Variants in PALLD observed in about 807,000 individuals in gnomAD.
The protein encoded by PALLD is palladin.
PALLD carries 61 observed loss-of-function variants against 123.5 expected under a neutral mutation model. The ratio of observed to expected loss-of-function variants is 0.49; its 90% confidence interval spans 0.40 to 0.61. The LOEUF is 0.61. PALLD is among the 20% of genes least tolerant of loss of function. PALLD has a pLI of 0.00. For missense variants in PALLD, 1,273 were observed against 1,377.0 expected, an observed-to-expected ratio of 0.92 and a Z score of 1.20; for synonymous variants, 465 against 496.4, an observed-to-expected ratio of 0.94 and a Z score of 0.84.
At chr4:168,897,061 C>G (rs1755360510) in intron 13 of PALLD, among the ~76,000 whole-genome samples, 1 of 152,180 alleles carries the variant, frequency 6.6e-6, no homozygotes, top group African/African-American at 2.4e-5. Flanking sequence ...GAACTTCTGA[C>G]CTCAGGTGAT....
chr4:168,791,614 C>G (rs1322120647), intron 10 of PALLD, among the ~76,000 whole-genome samples: 1 of 152,184 alleles, frequency 6.6e-6, no homozygotes, highest in Non-Finnish European at 1.5e-5. Flanking sequence ...CACCTGGTCT[C>G]TCCCTTGACA....
intron 8 of PALLD, chr4:168,700,405 T>C (rs1027549463): frequency 2.6e-5 from 4 of 152,334 alleles, no homozygotes; most frequent in African/African-American, 9.6e-5. Flanking sequence ...TACAGGCATA[T>C]ACCTTATTTA....
intron 3 of PALLD, among the ~76,000 whole-genome samples, chr4:168,679,298 G>T (rs1365059014): frequency 8.9e-5 from 9 of 100,952 alleles, no homozygotes; most frequent in Non-Finnish European, 1.0e-4. Flanking sequence ...GATGTGTGTG[G>T]GGGGTGTGTG....
At chr4:168,725,719 G>T (rs1786509351) in intron 10 of PALLD, among the ~76,000 whole-genome samples, 1 of 151,674 alleles carries the variant, frequency 6.6e-6, no homozygotes, top group South Asian at 2.1e-4. Context: ...GTACAGACGG[G>T]GTTTCACCAT....
chr4:168,780,105 G>C (rs1735703629), intron 10 of PALLD, among the ~76,000 whole-genome samples: 1 of 152,070 alleles, frequency 6.6e-6, no homozygotes, highest in Non-Finnish European at 1.5e-5. Context: ...CACCATGTTA[G>C]CCAGGCTGGT....
rs1460357554 is a variant in PALLD at position 168,511,510 on chromosome 4, A to G, written c.6A>G (p.Ser2=). Residue 2 remains serine, a synonymous_variant, in exon 2 of 22, where the codon TCA becomes TCG. Coordinates refer to ENST00000505667, the MANE Select transcript of PALLD (RefSeq NM_001166108.2). The part of the protein sequence containing the change: M[S]GTSSHESFYD... ...TGCATGAAGACCGTTCAAATATGTC[A>G]GGGACCTCCTCCCATGAGTCCTTCT... 1 of 1,613,046 alleles carries G rather than the reference A, an allele frequency of 6.2e-7. No individual in the cohort carries two copies. Among genetic ancestry groups the G allele is most frequent in the Non-Finnish European group, 8.5e-7 (1 of 1,179,088 alleles).
intron 2 of PALLD, among the ~76,000 whole-genome samples, chr4:168,529,518 A>G (rs1428456690): frequency 6.6e-6 from 1 of 152,188 alleles, no homozygotes; most frequent in East Asian, 1.9e-4. Flanking sequence ...ATGACGATGG[A>G]AAGTCTTCAG....
At chr4:168,893,086 G>A (rs959139984) in intron 11 of PALLD, among the ~76,000 whole-genome samples, 2 of 152,132 alleles carry the variant, frequency 1.3e-5, no homozygotes, top group African/African-American at 2.4e-5. Flanking sequence ...GCTTCTAGTG[G>A]TAGCAGGTGC....
At chr4:168,646,778 A>G (rs532380111) in intron 2 of PALLD, among the ~76,000 whole-genome samples, 1 of 152,358 alleles carries the variant, frequency 6.6e-6, no homozygotes, top group Non-Finnish European at 1.5e-5. Flanking sequence ...GTCTTACACT[A>G]TAAAATCTTA....
In PALLD at chr4:168,924,178, T is replaced by C. The variant is rs565129255; in HGVS notation, c.3059-77T>C. ...TCATAAAAGATCTATTCAAGCAATA[T>C]TCCAAAAGCCTTCTGAATTCTTTCT... On this transcript the variant is annotated intron_variant, in intron 18 of 21. Coordinates refer to ENST00000505667, the MANE Select transcript of PALLD (RefSeq NM_001166108.2). 40 of 1,317,738 alleles carry C rather than the reference T, an allele frequency of 3.0e-5. No individual in the cohort carries two copies. The East Asian group carries it at 8.6e-4, about 28-fold the overall frequency. 81.6% of individuals were successfully genotyped at this position (1,317,738 alleles called of 1,614,324 possible). A position where few individuals can be genotyped will look rare whatever the true frequency, so the allele number is the denominator to read the frequency against.
At chr4:168,795,739 G>A (rs1177955330) in intron 10 of PALLD, among the ~76,000 whole-genome samples, 3 of 144,914 alleles carry the variant, frequency 2.1e-5, no homozygotes, top group Non-Finnish European at 4.5e-5. Context: ...ACAGGGCCTT[G>A]CTTTATCACC....
chr4:168,917,928 C>T (rs1262565940), intron 17 of PALLD, among the ~76,000 whole-genome samples: 1 of 152,050 alleles, frequency 6.6e-6, no homozygotes, highest in Non-Finnish European at 1.5e-5. Flanking sequence ...AGGCTGGGCA[C>T]AGTGGCACAC....
intron 2 of PALLD, among the ~76,000 whole-genome samples, chr4:168,627,683 C>T (rs2710857): frequency 0.18 from 26,999 of 152,032 alleles, 2,864 homozygotes; most frequent in African/African-American, 0.29. Flanking sequence ...AGAGCCAAGT[C>T]GAAAGACAAA....
chr4:168,533,715 G>A (rs1189847781), intron 2 of PALLD, among the ~76,000 whole-genome samples: 2 of 152,120 alleles, frequency 1.3e-5, no homozygotes, highest in African/African-American at 4.8e-5. Flanking sequence ...GGGGTGAGCA[G>A]ACAAGAAAGA....
Position 168,559,200 on chromosome 4 carries a change from A to T in PALLD, c.908+46788A>T, listed in dbSNP as rs575052032. On this transcript the variant is annotated intron_variant, in intron 2 of 21. Transcript: ENST00000505667. Reference sequence around the variant, plus strand: ...TTTTACACTGTATTTCCCCCGATGTATCTGCCTTAAGATTCTTCAGTCACT... The same window carrying T: ...TTTTACACTGTATTTCCCCCGATGTTTCTGCCTTAAGATTCTTCAGTCACT... Among the ~76,000 whole-genome samples the T allele has an allele frequency of 3.5e-4, 54 of 152,304 alleles. No individual in the cohort carries two copies. In the South Asian group the frequency reaches 0.011, roughly 31 times the overall value.
intron 2 of PALLD, among the ~76,000 whole-genome samples, chr4:168,606,077 G>A (rs1773136763): frequency 6.6e-6 from 1 of 151,956 alleles, no homozygotes; most frequent in South Asian, 2.1e-4. Flanking sequence ...CTCTTTCTCT[G>A]TGTCCTTGCC....
At chr4:168,888,425 G>C (rs181715229) in intron 10 of PALLD, among the ~76,000 whole-genome samples, 4 of 152,080 alleles carry the variant, frequency 2.6e-5, no homozygotes, top group African/African-American at 4.8e-5. Context: ...TTAAGACAGT[G>C]CCCCCAAAAC....
intron 10 of PALLD, chr4:168,877,859 G>A: frequency 2.2e-6 from 3 of 1,394,438 alleles, no homozygotes; most frequent in South Asian, 1.6e-5. Flanking sequence ...CCCCGAGCTC[G>A]CGGCCTGCAC....
chr4:168,866,324 T>C (rs1410851569), intron 10 of PALLD, among the ~76,000 whole-genome samples: 2 of 152,148 alleles, frequency 1.3e-5, no homozygotes, highest in Non-Finnish European at 2.9e-5. Context: ...AATCCAATTA[T>C]TTTGGAAATG....
Sources: gnomAD v4.1 joint callset for allele counts (sites outside exome capture counted in the v4.1 genomes callset) on GRCh38, gnomAD v4.1.1 for gene constraint, MANE v1.5 for transcripts, NCBI Gene and HGNC (gene_info 2026-07-23, HGNC 2026-07-21) for gene names.